GPC6: variants seen among roughly 807,000 people sequenced by gnomAD.
GPC6 encodes the protein glypican 6.
GPC6 carries 14 observed loss-of-function variants against 55.2 expected under a neutral mutation model. The ratio of observed to expected loss-of-function variants is 0.25; its 90% CI spans 0.17 to 0.40. The LOEUF (loss-of-function observed/expected upper bound fraction) is 0.40, where lower values mean the gene tolerates loss of function less well. Among genes scored for constraint, GPC6 ranks in the 10% least tolerant of loss-of-function variants. The pLI, the probability that GPC6 is intolerant of heterozygous loss-of-function variation, is 1.00. For missense variants in GPC6, 641 were observed against 708.5 expected (o/e 0.90, Z 1.08); for synonymous variants, 278 against 259.6 (o/e 1.07, Z -0.68).
At chr13:93,943,579 A>G (rs1269549720) in intron 3 of GPC6, among the ~76,000 whole-genome samples, 2 of 152,160 alleles carry the variant, frequency 1.3e-5, no homozygotes, top group African/African-American at 4.8e-5. Flanking sequence ...TCATGCCTGA[A>G]TAAACCTTAT....
At chr13:93,400,463 G>A (rs1876029569) in intron 1 of GPC6, among the ~76,000 whole-genome samples, 1 of 140,146 alleles carries the variant, frequency 7.1e-6, no homozygotes, top group Non-Finnish European at 1.6e-5. Flanking sequence ...GGGTAGTGGC[G>A]GGGACAGGGT....
chr13:94,121,194 G>C (rs975488629), intron 4 of GPC6, among the ~76,000 whole-genome samples: 1 of 152,002 alleles, frequency 6.6e-6, no homozygotes, highest in East Asian at 1.9e-4. Context: ...TGTGCTGTTG[G>C]GGTACCATAC....
chr13:93,504,230 T>C (rs943788954), intron 1 of GPC6, among the ~76,000 whole-genome samples: 3 of 152,172 alleles, frequency 2.0e-5, no homozygotes, highest in Admixed American at 2.0e-4. Flanking sequence ...AGACAGATGT[T>C]ATTTTGATAT....
intron 4 of GPC6, among the ~76,000 whole-genome samples, chr13:94,054,445 T>C (rs1444268835): frequency 1.3e-5 from 2 of 152,128 alleles, no homozygotes; most frequent in East Asian, 3.9e-4. Flanking sequence ...ATTCAGTAGG[T>C]CTGGGGTGGG....
intron 6 of GPC6, among the ~76,000 whole-genome samples, chr13:94,320,942 G>T (rs1009624077): frequency 6.6e-6 from 1 of 152,150 alleles, no homozygotes; most frequent in Non-Finnish European, 1.5e-5. Context: ...AGATTCAGGG[G>T]TACACATGCA....
At chr13:93,710,591 C>T (rs142785664) in intron 2 of GPC6, among the ~76,000 whole-genome samples, 2,894 of 151,748 alleles carry the variant, frequency 0.019, 41 homozygotes, top group Non-Finnish European at 0.03. Flanking sequence ...TCCACTGGCT[C>T]CTATAAGTTA....
rs1362203502 is a variant in GPC6 at position 94,071,132 on chromosome 13, A to C, written c.877+43238A>C. 7.2e-5 allele frequency among the ~76,000 whole-genome samples: 11 copies of C among 152,330 alleles called. No individual in the cohort carries two copies. The East Asian group carries it at 1.9e-3, about 27-fold the overall frequency. On this transcript the variant is annotated intron_variant, in intron 4 of 8. Coordinates refer to ENST00000377047, the MANE Select transcript of GPC6 (RefSeq NM_005708.5). ...GTGCCATCTTGACCTTAAAAGGTAAAGAGAAAAGTCTTCTCTCCATTTTCC... is the reference window on the plus strand; with the variant it reads ...GTGCCATCTTGACCTTAAAAGGTAACGAGAAAAGTCTTCTCTCCATTTTCC...
chr13:93,649,106 C>T (rs1373292813), intron 2 of GPC6, among the ~76,000 whole-genome samples: 1 of 152,036 alleles, frequency 6.6e-6, no homozygotes, highest in East Asian at 1.9e-4. Context: ...ATGGATCTGC[C>T]ATTTTTATAG....
intron 2 of GPC6, among the ~76,000 whole-genome samples, chr13:93,795,103 T>C (rs1172244450): frequency 6.6e-6 from 1 of 152,158 alleles, no homozygotes; most frequent in East Asian, 1.9e-4. Context: ...TTGGATCTCA[T>C]GCATGAAAGA....
intron 2 of GPC6, among the ~76,000 whole-genome samples, chr13:93,755,378 T>C (rs1272027180): frequency 2.0e-5 from 3 of 152,148 alleles, no homozygotes; most frequent in Non-Finnish European, 4.4e-5. Context: ...TTGCCTCCTA[T>C]AGAAGCAGCT....
At chr13:93,480,745 G>A (rs9561361) in intron 1 of GPC6, among the ~76,000 whole-genome samples, 6,013 of 151,914 alleles carry the variant, frequency 0.04, 413 homozygotes, top group East Asian at 0.28. Context: ...GTATGTTCAA[G>A]GGTCATCTAC....
chr13:94,281,881 T>A (rs1370200171), intron 4 of GPC6, among the ~76,000 whole-genome samples: 1 of 152,216 alleles, frequency 6.6e-6, no homozygotes, highest in Non-Finnish European at 1.5e-5. Flanking sequence ...TTAAAGCAAA[T>A]TCTCTGTTCC....
At chr13:94,127,627 A>T (rs1323570550) in intron 4 of GPC6, among the ~76,000 whole-genome samples, 1 of 152,146 alleles carries the variant, frequency 6.6e-6, no homozygotes. Context: ...CAAAGCCAAG[A>T]TTCTTGTACA....
chr13:93,793,625 T>C (rs1031636672), intron 2 of GPC6, among the ~76,000 whole-genome samples: 1 of 152,204 alleles, frequency 6.6e-6, no homozygotes, highest in African/African-American at 2.4e-5. Context: ...GAATATCTTA[T>C]AATAATTATG....
chr13:94,114,939 G>T (rs964577594), intron 4 of GPC6, among the ~76,000 whole-genome samples: 1 of 152,010 alleles, frequency 6.6e-6, no homozygotes, highest in Non-Finnish European at 1.5e-5. Flanking sequence ...GAGTCAAAAA[G>T]CTAGTTCATG....
chr13:94,006,400 C>T (rs1283303311), intron 3 of GPC6, among the ~76,000 whole-genome samples: 3 of 152,112 alleles, frequency 2.0e-5, no homozygotes, highest in Admixed American at 1.3e-4. Context: ...ACTCCTCAGA[C>T]CCGAGGCTTA....
chr13:93,216,988 A>G, the GPC6 span, among the ~76,000 whole-genome samples: 30 of 152,208 alleles, frequency 2.0e-4, no homozygotes, highest in Admixed American at 2.0e-3. Flanking sequence ...ATAGTTTTGC[A>G]TGATGGTTAA....
chr13:94,120,180 C>T (rs756826434), intron 4 of GPC6, among the ~76,000 whole-genome samples: 3 of 151,886 alleles, frequency 2.0e-5, no homozygotes, highest in Non-Finnish European at 4.4e-5. Context: ...TGGATTTCCT[C>T]GGAGTGAGGG....
chr13:94,013,151 C>T (rs1319605872), intron 3 of GPC6, among the ~76,000 whole-genome samples: 2 of 151,900 alleles, frequency 1.3e-5, no homozygotes, highest in Non-Finnish European at 2.9e-5. Context: ...ATGTATTTAA[C>T]TAGCAGAAAG....
Sources: gnomAD v4.1 joint callset for allele counts (sites outside exome capture counted in the v4.1 genomes callset) on GRCh38, gnomAD v4.1.1 for gene constraint, MANE v1.5 for transcripts, NCBI Gene and HGNC (gene_info 2026-07-23, HGNC 2026-07-21) for gene names.